The following VPS50 variants were observed in gnomAD, a reference collection of about 807,000 sequenced individuals.
The protein encoded by VPS50 is syndetin.
VPS50 carries 70 observed loss-of-function variants against 139.7 expected under a neutral mutation model. The ratio of observed to expected loss-of-function variants is 0.50; its 90% CI spans 0.41 to 0.61. The LOEUF (loss-of-function observed/expected upper bound fraction) is 0.61, where lower values mean the gene tolerates loss of function less well. VPS50 is among the 20% of genes least tolerant of loss of function. VPS50 has a pLI of 0.00. For missense variants in VPS50, 921 were observed against 1,133.7 expected (o/e 0.81, Z 2.69); for synonymous variants, 365 against 376.7 (o/e 0.97, Z 0.36).
At position 93,294,536 on chromosome 7, in the gene VPS50, T is replaced by C; in HGVS notation, c.1076-9T>C. The C allele has an allele frequency of 6.6e-7, 1 of 1,513,158 alleles. No homozygotes were observed. Among genetic ancestry groups the C allele is most frequent in the Non-Finnish European group, 8.8e-7 (1 of 1,133,136 alleles). 93.7% of individuals were successfully genotyped at this position (1,513,158 alleles called of 1,614,324 possible). On this transcript the variant is annotated splice_polypyrimidine_tract_variant and intron_variant, in intron 13 of 27. Transcript: ENST00000305866. ...AAATCTAAAAATATATATTGTCTTT[T>C]ATTTTCAGAAGGGAGTAATATGATA...
At chr7:93,331,686 T>G (rs1584478334) in intron 21 of VPS50, among the ~76,000 whole-genome samples, 1 of 152,272 alleles carries the variant, frequency 6.6e-6, no homozygotes, top group South Asian at 2.1e-4. Context: ...GGCATATGCT[T>G]CTTTGAAAAG....
chr7:93,351,008 T>A (rs1416447608), intron 25 of VPS50, among the ~76,000 whole-genome samples: 1 of 152,150 alleles, frequency 6.6e-6, no homozygotes, highest in Non-Finnish European at 1.5e-5. Flanking sequence ...TGAGAACCAA[T>A]GAACAGAGCC....
In VPS50 at chr7:93,359,532, C is replaced by T. The variant is rs985871326; in HGVS notation, c.*1096C>T. The T allele has an allele frequency of 6.6e-6, 1 of 152,122 alleles. No homozygotes were observed. The highest frequency in any genetic ancestry group is 2.4e-5 in the African/African-American group (1 of 41,438). 9.4% of individuals were successfully genotyped at this position (152,122 alleles called of 1,614,324 possible). A position where few individuals can be genotyped will look rare whatever the true frequency, so the allele number is the denominator to read the frequency against. ...GACATAAAAATCCATTTTCCATGTA[C>T]TCTTGCCAACTGTCTGATAAGGAAT... On this transcript the variant is annotated 3_prime_UTR_variant, in exon 28 of 28. Coordinates refer to ENST00000305866, the MANE Select transcript of VPS50 (RefSeq NM_017667.4).
At chr7:93,276,337 C>T (rs752918032) in intron 12 of VPS50, 32 bp downstream of exon 12, 12 of 1,572,122 alleles carry the variant, frequency 7.6e-6, no homozygotes, top group Admixed American at 1.7e-5. Flanking sequence ...ATTCATATAT[C>T]TCTCCTTTAG....
intron 21 of VPS50, among the ~76,000 whole-genome samples, chr7:93,328,795 G>A (rs1584475324): frequency 6.6e-6 from 1 of 152,234 alleles, no homozygotes; most frequent in East Asian, 1.9e-4. Context: ...TGAAAATAGT[G>A]GAGGACGCTC....
Position 93,291,717 on chromosome 7 carries a change from C to T in VPS50, c.957C>T (p.Asp319=). The T allele has an allele frequency of 6.5e-7, 1 of 1,536,914 alleles. No individual in the cohort carries two copies. The highest frequency in any genetic ancestry group is 8.8e-7 in the Non-Finnish European group (1 of 1,140,054). Residue 319 remains aspartate, a synonymous_variant, in exon 13 of 28, where the codon GAC becomes GAT. Transcript: ENST00000305866. The stretch of plus-strand genomic sequence containing the variant: ...ATTTTCTTTAGCATGTTACACCAGA[C>T]AGCTATATTCCATGCCTTGCAGACC... The part of the protein sequence containing the change: ...YKDLCTHVTP[D]SYIPCLADLC...
At chr7:93,239,501 T>C (rs1162250321) in intron 1 of VPS50, among the ~76,000 whole-genome samples, 1 of 152,182 alleles carries the variant, frequency 6.6e-6, no homozygotes, top group East Asian at 1.9e-4. Context: ...GCTTGGACTT[T>C]TTTCCTGATG....
chr7:93,330,609 C>T (rs982458058), intron 21 of VPS50, among the ~76,000 whole-genome samples: 1 of 151,702 alleles, frequency 6.6e-6, no homozygotes, highest in Admixed American at 6.6e-5. Flanking sequence ...CAAAAATTAG[C>T]CAAGTGTGGT....
intron 26 of VPS50, among the ~76,000 whole-genome samples, chr7:93,355,230 A>G (rs1468883292): frequency 1.3e-5 from 2 of 151,772 alleles, no homozygotes; most frequent in Admixed American, 1.3e-4. Flanking sequence ...CATGTTCTGT[A>G]TGATTGATTG....
chr7:93,320,037 T>G (rs889868717), intron 20 of VPS50, among the ~76,000 whole-genome samples: 4 of 152,124 alleles, frequency 2.6e-5, no homozygotes, highest in Non-Finnish European at 5.9e-5. Flanking sequence ...ATTTTCACAC[T>G]CTGAGTTTTC....
chr7:93,273,364 T>G (rs1197933966), intron 11 of VPS50: 1 of 152,086 alleles, frequency 6.6e-6, no homozygotes, highest in African/African-American at 2.4e-5. Context: ...CTATACAACA[T>G]TTAATGTGAT....
At chr7:93,240,403 T>C (rs532697541) in intron 2 of VPS50, among the ~76,000 whole-genome samples, 8 of 152,320 alleles carry the variant, frequency 5.3e-5, no homozygotes, top group Admixed American at 3.3e-4. Context: ...AAAAAGCATC[T>C]AAACCATAGT....
At chr7:93,255,946 T>C (rs773160639) in intron 4 of VPS50, among the ~76,000 whole-genome samples, 1 of 152,208 alleles carries the variant, frequency 6.6e-6, no homozygotes, top group Non-Finnish European at 1.5e-5. Context: ...AAAATCATTA[T>C]ACTTCTAACT....
intron 23 of VPS50, among the ~76,000 whole-genome samples, chr7:93,347,898 G>T (rs2117078945): frequency 6.6e-6 from 1 of 151,318 alleles, no homozygotes; most frequent in South Asian, 2.1e-4. Context: ...AATGGGTGCA[G>T]CGCACCAGCA....
chr7:93,261,846 A>G (rs555750676), intron 9 of VPS50, among the ~76,000 whole-genome samples: 13 of 152,206 alleles, frequency 8.5e-5, no homozygotes, highest in Admixed American at 8.5e-4. Flanking sequence ...TGAATAGGAA[A>G]CTGTCTACAC....
chr7:93,291,756 A>G lies in VPS50; in HGVS notation c.996A>G (p.Leu332=), dbSNP rs772840655. 9 of 1,599,238 alleles carry G rather than the reference A, an allele frequency of 5.6e-6. No homozygotes were observed. The highest frequency in any genetic ancestry group is 7.7e-6 in the Non-Finnish European group (9 of 1,167,822). Residue 332 remains leucine (L), a synonymous_variant, in exon 13 of 28, where the codon CTA becomes CTG. Transcript: ENST00000305866. ...GCCTTGCAGACCTGTGCAAAGCACT[A>G]TGGGAAGTTATGCTCAGCTATTATA... is the stretch of plus-strand genomic sequence containing the variant. ...IPCLADLCKA[L]WEVMLSYYRT...
At chr7:93,323,291 G>T (rs943007795) in intron 20 of VPS50, 2 of 152,694 alleles carry the variant, frequency 1.3e-5, no homozygotes, top group African/African-American at 4.8e-5. Flanking sequence ...AGTGTCAGTT[G>T]TAGAAGAGTG....
In VPS50 at chr7:93,274,208, A is replaced by G. The variant is rs530801426; in HGVS notation, c.801+1475A>G. On this transcript the variant is annotated intron_variant, in intron 11 of 27. Transcript: ENST00000305866. Reference sequence around the variant, plus strand: ...ATGATTAAGCTTAGTGAAGATGGCTATGCTAAAGACAGATTTTCAGTGTAC... The same window carrying G: ...ATGATTAAGCTTAGTGAAGATGGCTGTGCTAAAGACAGATTTTCAGTGTAC... Among the ~76,000 whole-genome samples the G allele has an allele frequency of 1.2e-4, 19 of 152,230 alleles. No individual in the cohort carries two copies. The East Asian group carries it at 2.9e-3, about 23-fold the overall frequency.
rs1174062446 is a variant in VPS50, at chr7:93,358,652, G to C, written c.*216G>C. ...CTTTTGGTCTCATTTGTTGTAATCTGAAATGATGTTGCCGCCTTGTCATAA... is the reference window on the plus strand; with the variant it reads ...CTTTTGGTCTCATTTGTTGTAATCTCAAATGATGTTGCCGCCTTGTCATAA... On this transcript the variant is annotated 3_prime_UTR_variant, in exon 28 of 28. Coordinates refer to ENST00000305866, the MANE Select transcript of VPS50 (RefSeq NM_017667.4). The C allele has an allele frequency of 2.4e-6, 1 of 423,754 alleles. No homozygotes were observed. Among genetic ancestry groups the C allele is most frequent in the Non-Finnish European group, 4.3e-6 (1 of 232,098 alleles). The allele number at this position is 423,754 out of a possible 1,614,324, so 26.2% of individuals were successfully genotyped here.
Sources: gnomAD v4.1 joint callset for allele counts (sites outside exome capture counted in the v4.1 genomes callset) on GRCh38, gnomAD v4.1.1 for gene constraint, MANE v1.5 for transcripts, NCBI Gene and HGNC (gene_info 2026-07-23, HGNC 2026-07-21) for gene names.